The following RANBP17 variants were observed in gnomAD, a reference collection of about 807,000 sequenced individuals.
RANBP17 encodes ran-binding protein 17.
RANBP17 carries 158 observed loss-of-function variants against 141.2 expected under a neutral mutation model. That is an observed-to-expected ratio of 1.12 (90% CI 0.98 to 1.28). RANBP17 has a LOEUF of 1.28. RANBP17 is among the 50% of genes most tolerant of loss of function. The probability of loss-of-function intolerance (pLI) is 0.00; values close to 1 mark genes in which losing one functional copy is unlikely to be tolerated. For synonymous variants in RANBP17, 430 were observed against 450.0 expected (o/e 0.96, Z 0.56); for missense variants, 1,438 against 1,290.7 (o/e 1.11, Z -1.75).
intron 14 of RANBP17, among the ~76,000 whole-genome samples, chr5:171,060,350 A>G (rs1013715129): frequency 1.3e-5 from 2 of 151,248 alleles, no homozygotes; most frequent in African/African-American, 4.9e-5. Flanking sequence ...TCAATACCTA[A>G]TTTATTGAGA....
At chr5:171,208,236 C>A (rs1488512392) in intron 20 of RANBP17, among the ~76,000 whole-genome samples, 3 of 152,182 alleles carry the variant, frequency 2.0e-5, no homozygotes, top group African/African-American at 7.2e-5. Flanking sequence ...CTATTTAATT[C>A]AAAAACATTT....
chr5:171,252,169 A>G (rs915775086), intron 24 of RANBP17: 1 of 1,584,828 alleles, frequency 6.3e-7, no homozygotes. Context: ...TTTGACAACT[A>G]CATGCAACAA....
intron 14 of RANBP17, among the ~76,000 whole-genome samples, chr5:171,047,750 T>C (rs1030181917): frequency 2.6e-5 from 4 of 152,196 alleles, no homozygotes; most frequent in Admixed American, 2.6e-4. Flanking sequence ...TATTGAGTTT[T>C]GAGAATACTT....
chr5:171,045,442 A>C (rs1478380283), intron 14 of RANBP17, among the ~76,000 whole-genome samples: 1 of 152,136 alleles, frequency 6.6e-6, no homozygotes, highest in Admixed American at 6.5e-5. Context: ...AGTTTTCTTC[A>C]TGCCCTATCT....
chr5:171,137,927 T>G (rs978004152), intron 14 of RANBP17, among the ~76,000 whole-genome samples: 2 of 144,088 alleles, frequency 1.4e-5, no homozygotes, highest in Non-Finnish European at 3.0e-5. Flanking sequence ...CTACTCTATA[T>G]CTATAAGTAG....
At chr5:170,953,982 A>G (rs1025118671) in intron 13 of RANBP17, among the ~76,000 whole-genome samples, 1 of 152,174 alleles carries the variant, frequency 6.6e-6, no homozygotes, top group Non-Finnish European at 1.5e-5. Context: ...GCAAGCACAT[A>G]CAGTTGGTGT....
At chr5:171,154,177 T>G (rs1249030115) in intron 14 of RANBP17, among the ~76,000 whole-genome samples, 2 of 151,628 alleles carry the variant, frequency 1.3e-5, no homozygotes, top group African/African-American at 4.8e-5. Flanking sequence ...AAGAAGATAA[T>G]TAGTAAAACA....
At chr5:171,048,661 CTGT>C (rs1297922564) in intron 14 of RANBP17, among the ~76,000 whole-genome samples, 2 of 152,096 alleles carry the variant, frequency 1.3e-5, no homozygotes, top group Admixed American at 6.5e-5. Context: ...ACTGTGCTGT[CTGT>C]TGTTCTCTTC....
At chr5:171,152,435 C>G (rs142587693) in intron 14 of RANBP17, among the ~76,000 whole-genome samples, 1,605 of 150,948 alleles carry the variant, frequency 0.011, 29 homozygotes, top group African/African-American at 0.036. Flanking sequence ...AAAAAAGGGC[C>G]CCAAAAAGAT....
At position 171,299,843 on chromosome 5, in the gene RANBP17, G is replaced by A. The variant is rs1581206804; in HGVS notation, c.*985G>A. The A allele has an allele frequency of 4.5e-6, 1 of 220,012 alleles. No homozygotes were observed. The highest frequency in any genetic ancestry group is 6.7e-5 in the East Asian group (1 of 14,946). The allele number at this position is 220,012 out of a possible 1,614,324, so 13.6% of individuals were successfully genotyped here. A position where few individuals can be genotyped will look rare whatever the true frequency, so the allele number is the denominator to read the frequency against. On this transcript the variant is annotated 3_prime_UTR_variant, in exon 28 of 28. Coordinates refer to ENST00000523189, the MANE Select transcript of RANBP17 (RefSeq NM_022897.5). Reference sequence around the variant, plus strand: ...AGACCTTTACAGTTTGTGCTCTACTGTTACTAGGCTATTAATTTGAGATCG... The same window carrying A: ...AGACCTTTACAGTTTGTGCTCTACTATTACTAGGCTATTAATTTGAGATCG...
intron 12 of RANBP17, among the ~76,000 whole-genome samples, chr5:170,944,954 T>C (rs570811961): frequency 5.9e-5 from 9 of 152,336 alleles, no homozygotes; most frequent in South Asian, 2.1e-4. Flanking sequence ...GCAAAAATTA[T>C]TGATTTTTTC....
chr5:171,131,352 G>A (rs1464310304), intron 14 of RANBP17, among the ~76,000 whole-genome samples: 3 of 152,126 alleles, frequency 2.0e-5, no homozygotes, highest in Non-Finnish European at 2.9e-5. Flanking sequence ...GCAAATAATG[G>A]GATTCCTGTA....
At chr5:170,933,047 T>C (rs958860436) in intron 12 of RANBP17, among the ~76,000 whole-genome samples, 1 of 152,168 alleles carries the variant, frequency 6.6e-6, no homozygotes, top group African/African-American at 2.4e-5. Context: ...GTCCTGGACT[T>C]TTTTTGGTTG....
intron 14 of RANBP17, among the ~76,000 whole-genome samples, chr5:171,118,231 C>A (rs1755780557): frequency 6.6e-6 from 1 of 152,080 alleles, no homozygotes; most frequent in African/African-American, 2.4e-5. Context: ...TTTGGGAGTT[C>A]TCTATTCAGT....
intron 7 of RANBP17, chr5:170,911,481 C>G (rs1581126541): frequency 1.3e-5 from 9 of 671,582 alleles, no homozygotes; most frequent in Non-Finnish European, 2.3e-5. Flanking sequence ...TTTTCAGGTG[C>G]TGGTCAAACC....
At chr5:171,184,220 C>T (rs7730676) in intron 18 of RANBP17, among the ~76,000 whole-genome samples, 108,645 of 152,084 alleles carry the variant, frequency 0.71, 38,957 homozygotes, top group South Asian at 0.84. Flanking sequence ...CCAGGATATA[C>T]GGAATCAACC....
At chr5:170,995,820 A>G (rs569552458) in intron 14 of RANBP17, among the ~76,000 whole-genome samples, 1 of 152,158 alleles carries the variant, frequency 6.6e-6, no homozygotes, top group Non-Finnish European at 1.5e-5. Flanking sequence ...AATTATAAAC[A>G]TATAAATGTT....
chr5:170,948,526 A>C (rs1774944211), intron 12 of RANBP17, among the ~76,000 whole-genome samples: 1 of 152,232 alleles, frequency 6.6e-6, no homozygotes, highest in Non-Finnish European at 1.5e-5. Context: ...TAAGAATTAT[A>C]TACCGACACT....
At chr5:171,190,722 TC>T (rs1342275879) in intron 18 of RANBP17, among the ~76,000 whole-genome samples, 1 of 152,206 alleles carries the variant, frequency 6.6e-6, no homozygotes, top group Non-Finnish European at 1.5e-5. Flanking sequence ...ATAAAAATCT[TC>T]TATTTTGTTT....
Sources: gnomAD v4.1 joint callset for allele counts (sites outside exome capture counted in the v4.1 genomes callset) on GRCh38, gnomAD v4.1.1 for gene constraint, MANE v1.5 for transcripts, NCBI Gene and HGNC (gene_info 2026-07-23, HGNC 2026-07-21) for gene names.